WNK3: variants seen among roughly 807,000 people sequenced by gnomAD.
WNK3 encodes WNK lysine deficient protein kinase 3.
In WNK3, 18 loss-of-function variants were observed where a neutral mutation model predicts 116.7. The ratio of observed to expected loss-of-function variants is 0.15; its 90% CI spans 0.11 to 0.23. The LOEUF (loss-of-function observed/expected upper bound fraction) is 0.23. Among genes scored for constraint, WNK3 ranks in the 10% least tolerant of loss-of-function variants. WNK3 has a pLI of 1.00. For synonymous variants in WNK3, 404 were observed against 469.4 expected (o/e 0.86, Z 1.80); for missense variants, 993 against 1,323.8 (o/e 0.75, Z 3.88).
At chrX:54,225,589 C>G (rs1445513854) in intron 22 of WNK3, among the ~76,000 whole-genome samples, 3 of 103,477 alleles carry the variant, frequency 2.9e-5, no homozygotes, top group African/African-American at 1.1e-4. Context: ...CCACTGCACT[C>G]CAGCCTGGGC....
At chrX:54,246,520 A>G (rs1364750776) in intron 17 of WNK3, among the ~76,000 whole-genome samples, 1 of 111,774 alleles carries the variant, frequency 8.9e-6, no homozygotes, top group Non-Finnish European at 1.9e-5. Flanking sequence ...GAAAAAAAAG[A>G]AATGAAAATA....
At chrX:54,329,409 C>T (rs2069141692) in intron 2 of WNK3, among the ~76,000 whole-genome samples, 1 of 111,692 alleles carries the variant, frequency 9.0e-6, no homozygotes, top group Admixed American at 9.6e-5. Flanking sequence ...GAGGCCAAGG[C>T]GGGCAGATCA....
intron 15 of WNK3, among the ~76,000 whole-genome samples, 162 bp downstream of exon 15, chrX:54,251,237 G>A (rs1447028971): frequency 9.0e-6 from 1 of 111,703 alleles, no homozygotes; most frequent in Non-Finnish European, 1.9e-5. Flanking sequence ...AAAGTCAGGG[G>A]ATGGATTATT....
chrX:54,267,104 A>G (rs2068321300), intron 10 of WNK3, among the ~76,000 whole-genome samples: 1 of 111,945 alleles, frequency 8.9e-6, no homozygotes, highest in Non-Finnish European at 1.9e-5. Flanking sequence ...ACACATGCAC[A>G]CGTATGTTTA....
exon 2 of WNK3, chrX:54,333,663 T>A: frequency 8.4e-7 from 1 of 1,192,686 alleles, no homozygotes; most frequent in South Asian, 1.8e-5. Flanking sequence ...ATCCCCTGAA[T>A]CAGTGGCCAT....
chrX:54,233,435 C>CA (rs34814207), intron 20 of WNK3, among the ~76,000 whole-genome samples: 394 of 23,254 alleles, frequency 0.017, 3 homozygotes, highest in African/African-American at 0.055. Context: ...GAGACCCTGT[C>CA]AAAAAAAAAA....
At chrX:54,221,704 G>C (rs782770541) in intron 22 of WNK3, among the ~76,000 whole-genome samples, 16 of 110,200 alleles carry the variant, frequency 1.5e-4, no homozygotes, top group Non-Finnish European at 2.8e-4. Context: ...GCATGGTGAC[G>C]CACGCCTGTA....
In WNK3 at chrX:54,330,169, C is replaced by T. The variant is rs190895989; in HGVS notation, c.537+2968G>A. Among the ~76,000 whole-genome samples, 888 of 110,814 alleles carry T rather than the reference C, an allele frequency of 8.0e-3. 3 individuals carry two copies. Among genetic ancestry groups the T allele is most frequent in the Non-Finnish European group, 0.014 (738 of 52,814 alleles). ...CAGGCAGATCACAAGGTCAGGAGTT[C>T]GAGACCAGCCTGGCCAATATGGTGA... On this transcript the variant is annotated intron_variant, in intron 2 of 23. Coordinates refer to ENST00000354646, the Ensembl canonical transcript of WNK3.
rs781975472 is a variant in WNK3, at chrX:54,213,562, A to C, written c.4871-11369T>G. Among the ~76,000 whole-genome samples the C allele has an allele frequency of 1.4e-3, 133 of 97,991 alleles. 4 individuals carry two copies. Among genetic ancestry groups the C allele is most frequent in the Non-Finnish European group, 1.6e-3 (81 of 51,293 alleles). 85.1% of individuals were successfully genotyped at this position (97,991 alleles called of 115,157 possible). ...GAGTGAGACTCCGTCTCAAAAAAAA[A>C]AACAAACAAAAAAAAAAAAACTAGG... On this transcript the variant is annotated intron_variant, in intron 22 of 23. Coordinates refer to ENST00000354646, the Ensembl canonical transcript of WNK3.
At chrX:54,348,888 C>A (rs1396678452) in intron 1 of WNK3, among the ~76,000 whole-genome samples, 1 of 112,056 alleles carries the variant, frequency 8.9e-6, no homozygotes, top group East Asian at 2.8e-4. Context: ...AACTTGCAGA[C>A]TACATGATTA....
At chrX:54,316,262 G>A (rs1231556251) in intron 2 of WNK3, among the ~76,000 whole-genome samples, 2 of 110,556 alleles carry the variant, frequency 1.8e-5, no homozygotes, top group African/African-American at 6.6e-5. Context: ...ACAGAGGCCG[G>A]GTGCAGTGGC....
intron 10 of WNK3, among the ~76,000 whole-genome samples, chrX:54,271,497 A>C (rs1258912956): frequency 8.9e-6 from 1 of 112,411 alleles, no homozygotes; most frequent in African/African-American, 3.2e-5. Flanking sequence ...AGCAAAATTT[A>C]AAAATCAAGA....
chrX:54,265,235 C>T (rs1228723718), intron 10 of WNK3, among the ~76,000 whole-genome samples: 1 of 111,245 alleles, frequency 9.0e-6, no homozygotes, highest in African/African-American at 3.3e-5. Flanking sequence ...GCCTGTAATG[C>T]CAACACTTTG....
chrX:54,293,317 C>A, exon 9 of WNK3: 1 of 1,185,082 alleles, frequency 8.4e-7, no homozygotes, highest in Non-Finnish European at 1.1e-6. Context: ...CTGCCTCAGA[C>A]AAATTGTCAC....
chrX:54,308,585 T>A (rs1289639639), intron 4 of WNK3, among the ~76,000 whole-genome samples: 1 of 112,213 alleles, frequency 8.9e-6, no homozygotes, highest in Non-Finnish European at 1.9e-5. Flanking sequence ...AGAGTGTAAT[T>A]TGTAATGCTC....
intron 10 of WNK3, among the ~76,000 whole-genome samples, chrX:54,274,456 C>T (rs2068418097): frequency 1.8e-5 from 2 of 111,864 alleles, no homozygotes; most frequent in Admixed American, 1.9e-4. Flanking sequence ...GACAACTGTA[C>T]TCCTATGCTA....
chrX:54,237,366 T>C (rs138609630), exon 20 of WNK3: 2 of 1,209,040 alleles, frequency 1.7e-6, no homozygotes, highest in Non-Finnish European at 2.2e-6. Flanking sequence ...CCTGAAGAGC[T>C]TGTAACTTCT....
chrX:54,208,866 T>G (rs782758982), intron 22 of WNK3, among the ~76,000 whole-genome samples: 1 of 111,547 alleles, frequency 9.0e-6, no homozygotes, highest in Non-Finnish European at 1.9e-5. Flanking sequence ...GACTTCCATA[T>G]GTTCTCTCCC....
chrX:54,346,149 G>A lies in WNK3; in HGVS notation c.-120+11537C>T, dbSNP rs782734085. On this transcript the variant is annotated intron_variant, in intron 1 of 23. Transcript: ENST00000354646. ...GTGTGTATATATATATATATGTTGT[G>A]TTTATAAATGTTCTGGGAACAAGAT... Among the ~76,000 whole-genome samples the A allele has an allele frequency of 2.5e-3, 255 of 103,991 alleles. 1 individual carries two copies. Among genetic ancestry groups the A allele is most frequent in the African/African-American group, 8.4e-3 (241 of 28,590 alleles). 90.3% of individuals were successfully genotyped at this position (103,991 alleles called of 115,157 possible).
Sources: gnomAD v4.1 joint callset for allele counts (sites outside exome capture counted in the v4.1 genomes callset) on GRCh38, gnomAD v4.1.1 for gene constraint, MANE v1.5 for transcripts, NCBI Gene and HGNC (gene_info 2026-07-23, HGNC 2026-07-21) for gene names.